The following GIT2 variants were observed in gnomAD, a reference collection of about 807,000 sequenced individuals.
GIT2 encodes ARF GTPase-activating protein GIT2.
Under a neutral mutation model 100.3 loss-of-function variants are expected in GIT2, and 32 were observed. That is an observed-to-expected ratio of 0.32 (90% CI 0.24 to 0.43). The LOEUF (loss-of-function observed/expected upper bound fraction) is 0.43. Among genes scored for constraint, GIT2 ranks in the 20% least tolerant of loss-of-function variants. The pLI is 1.00. For synonymous variants in GIT2, 353 were observed against 364.1 expected, an observed-to-expected ratio of 0.97 and a Z score of 0.35; for missense variants, 737 against 975.1, an observed-to-expected ratio of 0.76 and a Z score of 3.25.
In GIT2 at chr12:109,983,718, G is replaced by A. The variant is rs749292218; in HGVS notation, c.406-24C>T. On this transcript the variant is annotated intron_variant, in intron 4 of 19. Transcript: ENST00000355312. ...TGCTGAAAAACGCAGAAACAAAAAA[G>A]GAATCGTGGTTAGAGGTGTAAAGAA... is the stretch of plus-strand genomic sequence containing the variant. The A allele has an allele frequency of 6.5e-6, 10 of 1,532,750 alleles. No homozygotes were observed. In the East Asian group the frequency reaches 2.0e-4, roughly 31 times the overall value. 94.9% of individuals were successfully genotyped at this position (1,532,750 alleles called of 1,614,324 possible). A position where few individuals can be genotyped will look rare whatever the true frequency, so the allele number is the denominator to read the frequency against.
At position 109,934,932 on chromosome 12, in the gene GIT2, G is replaced by A. The variant is rs1872574202; in HGVS notation, c.2004-847C>T. On this transcript the variant is annotated intron_variant, in intron 18 of 19. Coordinates refer to ENST00000355312, the MANE Select transcript of GIT2 (RefSeq NM_057169.5). The surrounding 1 kb of genome is among the most constrained non-coding windows in gnomAD (Gnocchi z 4.5). ...CTCTACTAAAAATACAAAAAAATTA[G>A]CTGGGCATTGTGGCGCATGCCTGTA... 6.6e-6 allele frequency among the ~76,000 whole-genome samples: 1 copy of A among 152,106 alleles called. No individual in the cohort carries two copies. The highest frequency in any genetic ancestry group is 1.5e-5 in the Non-Finnish European group (1 of 68,030).
chr12:109,973,675 T>G (rs1884439239), intron 7 of GIT2, among the ~76,000 whole-genome samples: 1 of 152,188 alleles, frequency 6.6e-6, no homozygotes, highest in Admixed American at 6.5e-5. Context: ...TCTTTACTAT[T>G]TGCTGCCTTC....
rs1023413117 is a variant in GIT2, at chr12:109,930,706, C to T, written c.*2272G>A. ...CCATGTTCCTTGACTTTCTCTAGGG[C>T]CATAAAGGCAACATCTTCTATTGCA... On this transcript the variant is annotated 3_prime_UTR_variant, in exon 20 of 20. Coordinates refer to ENST00000355312, the MANE Select transcript of GIT2 (RefSeq NM_057169.5). The T allele has an allele frequency of 6.6e-6, 1 of 152,170 alleles. No homozygotes were observed. The highest frequency in any genetic ancestry group is 1.5e-5 in the Non-Finnish European group (1 of 68,050). The allele number at this position is 152,170 out of a possible 1,614,324, so 9.4% of individuals were successfully genotyped here.
chr12:109,980,545 A>G (rs1886118446), intron 7 of GIT2, among the ~76,000 whole-genome samples: 1 of 152,342 alleles, frequency 6.6e-6, no homozygotes, highest in South Asian at 2.1e-4. Flanking sequence ...TATCACAAAT[A>G]GCCAAGTTGG....
intron 3 of GIT2, 25 bp downstream of exon 3, chr12:109,989,665 A>G (rs1306573956): frequency 8.3e-7 from 1 of 1,201,812 alleles, no homozygotes; most frequent in Non-Finnish European, 1.2e-6. Context: ...GAAGAAATAA[A>G]AGTATTTATA....
Position 109,933,055 on chromosome 12 carries a change from C to G in GIT2, c.2203G>C (p.Val735Leu). The change falls in exon 20 of 20, where the codon GTC becomes CTC. Residue 735 changes from valine (V) to leucine (L), a missense_variant. By Grantham distance (32) the Val-to-Leu change is conservative. Around this residue, in one of 3 missense-constraint regions of GIT2, gnomAD observed 451 missense variants for 543.7 expected, o/e 0.83. Transcript: ENST00000355312. This position sits in a 1 kb window ranked among gnomAD's most constrained non-coding sequence, Gnocchi z 4.5. ...PTDVQLVTQQ[V>L]IQCAYDIAKA... The stretch of plus-strand genomic sequence containing the variant: ...GCGATGTCGTACGCACACTGGATGA[C>G]CTGCTGCGTGACCAGCTGAACGTCT... 1 of 1,613,898 alleles carries G rather than the reference C, an allele frequency of 6.2e-7. No individual in the cohort carries two copies. Among genetic ancestry groups the G allele is most frequent in the Non-Finnish European group, 8.5e-7 (1 of 1,179,776 alleles).
chr12:109,938,030 G>C (rs781476801), intron 18 of GIT2, among the ~76,000 whole-genome samples: 12 of 152,108 alleles, frequency 7.9e-5, no homozygotes, highest in Non-Finnish European at 1.6e-4. Flanking sequence ...CAGCGGCCTT[G>C]TCCTTAGCCA....
chr12:109,944,480 A>C (rs1171872026), intron 16 of GIT2, among the ~76,000 whole-genome samples: 1 of 152,248 alleles, frequency 6.6e-6, no homozygotes, highest in Non-Finnish European at 1.5e-5. Flanking sequence ...TATGCATGAA[A>C]GTATTTTTTA....
At chr12:109,953,068 T>C in intron 13 of GIT2, 24 bp downstream of exon 13, 1 of 1,612,146 alleles carries the variant, frequency 6.2e-7, no homozygotes, top group Non-Finnish European at 8.5e-7. Context: ...TGCTTGCCCT[T>C]CCATGGGACG....
intron 1 of GIT2, among the ~76,000 whole-genome samples, chr12:109,992,892 A>C (rs2136994457): frequency 6.6e-6 from 1 of 151,972 alleles, no homozygotes; most frequent in East Asian, 1.9e-4. Context: ...GACTGGTCTC[A>C]AACTCCTGAC....
chr12:109,987,395 AAAATAAATAAAT>A lies in GIT2; in HGVS notation c.405+1556_405+1567del, dbSNP rs530307440. Reference sequence around the variant, plus strand: ...CAAGACTCTATCTCAAAAATAAATAAAAATAAATAAATAAATAAATAAATAAATAGAAGCAAA... The same window carrying A: ...CAAGACTCTATCTCAAAAATAAATAAAAATAAATAAATAAATAGAAGCAAA... On this transcript the variant is annotated intron_variant, in intron 4 of 19. Transcript: ENST00000355312. Among the ~76,000 whole-genome samples the A allele has an allele frequency of 3.0e-3, 452 of 151,870 alleles. 2 individuals carry two copies. Among genetic ancestry groups the A allele is most frequent in the African/African-American group, 0.01 (419 of 41,444 alleles).
Position 109,963,763 on chromosome 12 carries a change from G to T in GIT2, c.816+1763C>A, listed in dbSNP as rs1003998989. On this transcript the variant is annotated intron_variant, in intron 9 of 19. Coordinates refer to ENST00000355312, the MANE Select transcript of GIT2 (RefSeq NM_057169.5). ...ACTGGAGGATAAACACTGACCTGGC[G>T]CTGATAAGATGGTCACCTATGAGAA... 1.6e-4 allele frequency among the ~76,000 whole-genome samples: 25 copies of T among 152,202 alleles called. 1 individual carries two copies. The highest frequency in any genetic ancestry group is 5.5e-4 in the African/African-American group (23 of 41,450).
intron 7 of GIT2, 39 bp from the exon 8 acceptor site, chr12:109,967,542 T>C (rs1040136459): frequency 2.9e-6 from 4 of 1,380,702 alleles, no homozygotes; most frequent in Non-Finnish European, 4.1e-6. Context: ...TTCATAGAAA[T>C]GTTGATAAGA....
intron 12 of GIT2, among the ~76,000 whole-genome samples, chr12:109,958,426 T>G (rs1335549939): frequency 6.6e-6 from 1 of 151,864 alleles, no homozygotes; most frequent in African/African-American, 2.4e-5. Flanking sequence ...GTATTTTTAG[T>G]AGAGATGGGT....
In GIT2 at chr12:109,996,312, A is replaced by C; in HGVS notation, c.-88T>G. ...CGGCGCTTCCGCTCTAACGGGTCCC[A>C]GCTGCGGCGGCGCTGACGGCGGCGC... On this transcript the variant is annotated 5_prime_UTR_variant, in exon 1 of 20. Transcript: ENST00000355312. 1.1e-6 allele frequency: 1 copy of C among 916,116 alleles called. No homozygotes were observed. The highest frequency in any genetic ancestry group is 1.6e-6 in the Non-Finnish European group (1 of 616,132). 56.7% of individuals were successfully genotyped at this position (916,116 alleles called of 1,614,324 possible). A position where few individuals can be genotyped will look rare whatever the true frequency, so the allele number is the denominator to read the frequency against.
At chr12:109,950,311 G>T (rs1290944521) in intron 14 of GIT2, among the ~76,000 whole-genome samples, 1 of 152,210 alleles carries the variant, frequency 6.6e-6, no homozygotes, top group African/African-American at 2.4e-5. Context: ...CTTCTCAAAT[G>T]ACAGCCTAAA....
intron 1 of GIT2, among the ~76,000 whole-genome samples, chr12:109,994,780 A>C (rs1889039536): frequency 6.6e-6 from 1 of 152,238 alleles, no homozygotes; most frequent in Admixed American, 6.5e-5. Context: ...AATCAAATAC[A>C]TCACGGTAAG....
intron 1 of GIT2, 68 bp downstream of exon 1, chr12:109,996,105 G>T: frequency 9.9e-7 from 1 of 1,014,002 alleles, no homozygotes. Context: ...TGACCTGAGG[G>T]GGCGGCCCCG....
At chr12:109,941,882 T>A (rs1435532193) in intron 16 of GIT2, among the ~76,000 whole-genome samples, 1 of 151,724 alleles carries the variant, frequency 6.6e-6, no homozygotes, top group East Asian at 1.9e-4. Flanking sequence ...CTAAGTGCAG[T>A]GGTACAATCT....
Sources: gnomAD v4.1 joint callset for allele counts (sites outside exome capture counted in the v4.1 genomes callset) on GRCh38, gnomAD v4.1.1 for gene constraint, gnomAD v4.1.1 regional missense constraint, Gnocchi (gnomAD v3.1) non-coding constraint, MANE v1.5 for transcripts, NCBI Gene and HGNC (gene_info 2026-07-23, HGNC 2026-07-21) for gene names.